Variants in DTNA observed in about 807,000 individuals in gnomAD.
DTNA encodes the protein dystrobrevin alpha.
DTNA carries 43 observed loss-of-function variants against 100.7 expected under a neutral mutation model. The ratio of observed to expected loss-of-function variants is 0.43; its 90% CI spans 0.33 to 0.55. DTNA has a LOEUF of 0.55. Among genes scored for constraint, DTNA ranks in the 20% least tolerant of loss-of-function variants. The probability of loss-of-function intolerance (pLI) is 0.04; values close to 1 mark genes in which losing one functional copy is unlikely to be tolerated. For synonymous variants in DTNA, 349 were observed against 347.9 expected (o/e 1.00, Z -0.04); for missense variants, 798 against 953.9 (o/e 0.84, Z 2.15).
intron 1 of DTNA, among the ~76,000 whole-genome samples, chr18:34,569,489 A>G (rs937762937): frequency 6.6e-6 from 1 of 152,206 alleles, no homozygotes; most frequent in Admixed American, 6.5e-5. Flanking sequence ...GTGAGAAAAA[A>G]AAAGCAAGGG....
intron 4 of DTNA, among the ~76,000 whole-genome samples, chr18:34,801,309 A>T (rs1380160162): frequency 1.3e-5 from 2 of 152,126 alleles, no homozygotes; most frequent in East Asian, 3.9e-4. Flanking sequence ...AGAATTTTTG[A>T]ATGTCGATCT....
At position 34,599,488 on chromosome 18, in the gene DTNA, C is replaced by T. The variant is rs368037187; in HGVS notation, c.-2+105974C>T. ...GAAATTACTTATTCACCCCCTTCAC[C>T]GGACACTGGTACTGAAGGATATCAT... is the stretch of plus-strand genomic sequence containing the variant. On this transcript the variant is annotated intron_variant, in intron 1 of 19. Transcript: ENST00000283365. 1.6e-4 allele frequency among the ~76,000 whole-genome samples: 24 copies of T among 152,198 alleles called. 1 individual carries two copies. Among genetic ancestry groups the T allele is most frequent in the African/African-American group, 5.5e-4 (23 of 41,526 alleles).
rs577168361 is a variant in DTNA at position 34,844,577 on chromosome 18, G to A, written c.1347-3719G>A. Among the ~76,000 whole-genome samples, 11 of 115,270 alleles carry A rather than the reference G, an allele frequency of 9.5e-5. No homozygotes were observed. In the South Asian group the frequency reaches 3.1e-3, roughly 32 times the overall value. 75.6% of individuals were successfully genotyped at this position (115,270 alleles called of 152,430 possible). On this transcript the variant is annotated intron_variant, in intron 13 of 22. Coordinates refer to ENST00000444659, the MANE Select transcript of DTNA (RefSeq NM_001386795.1). The stretch of plus-strand genomic sequence containing the variant: ...GTTAACTAATCCTCTTAATAGAAGA[G>A]TAGTACATGAAACTCGATGGCCTTC...
intron 1 of DTNA, chr18:34,513,367 T>C (rs1489658317): frequency 1.3e-5 from 2 of 152,194 alleles, no homozygotes; most frequent in Non-Finnish European, 2.9e-5. Flanking sequence ...TACCTAGCGA[T>C]AGGCTAAGAG....
At chr18:34,530,846 GTAAAA>G (rs1568599149) in intron 1 of DTNA, among the ~76,000 whole-genome samples, 1 of 152,096 alleles carries the variant, frequency 6.6e-6, no homozygotes, top group Non-Finnish European at 1.5e-5. Flanking sequence ...CTGATAAAGT[GTAAAA>G]CAAAAGTTGT....
intron 3 of DTNA, among the ~76,000 whole-genome samples, chr18:34,783,582 C>T (rs11659661): frequency 0.14 from 21,476 of 152,142 alleles, 1,599 homozygotes; most frequent in African/African-American, 0.17. Context: ...ATAAAAACGC[C>T]TAGTGAGCTA....
At chr18:34,589,012 AAT>A (rs1179420148) in intron 1 of DTNA, among the ~76,000 whole-genome samples, 1 of 150,534 alleles carries the variant, frequency 6.6e-6, no homozygotes, top group Non-Finnish European at 1.5e-5. Context: ...ATACTATACT[AAT>A]TATATGTATA....
chr18:34,516,765 C>T (rs562733572), intron 1 of DTNA, among the ~76,000 whole-genome samples: 54 of 152,204 alleles, frequency 3.5e-4, no homozygotes, highest in African/African-American at 1.2e-3. Context: ...CCCTGAAAAT[C>T]GCAGCCATCC....
rs2096960140 is a variant in DTNA, at chr18:34,890,590, C to T, written c.*2856C>T. 3 of 1,177,200 alleles carry T rather than the reference C, an allele frequency of 2.5e-6. No individual in the cohort carries two copies. Among genetic ancestry groups the T allele is most frequent in the East Asian group, 5.1e-5 (2 of 38,874 alleles). The allele number at this position is 1,177,200 out of a possible 1,614,324, so 72.9% of individuals were successfully genotyped here. ...TAAGCACTGGTCTAACACAGCCAAC[C>T]CTCCTCCACAGCGCCATATTAATGG... On this transcript the variant is annotated 3_prime_UTR_variant, in exon 23 of 23. Coordinates refer to ENST00000444659, the MANE Select transcript of DTNA (RefSeq NM_001386795.1).
At chr18:34,801,429 T>C (rs2095206917) in intron 4 of DTNA, among the ~76,000 whole-genome samples, 1 of 152,166 alleles carries the variant, frequency 6.6e-6, no homozygotes, top group Non-Finnish European at 1.5e-5. Flanking sequence ...GAATAAAGTA[T>C]GTATTATGCG....
At chr18:34,759,318 CTGT>C (rs931520967) in intron 2 of DTNA, among the ~76,000 whole-genome samples, 1 of 152,184 alleles carries the variant, frequency 6.6e-6, no homozygotes, top group Non-Finnish European at 1.5e-5. Flanking sequence ...CTCTCCTTTT[CTGT>C]TGTTTTACTC....
intron 1 of DTNA, among the ~76,000 whole-genome samples, chr18:34,741,151 G>A (rs2090579306): frequency 3.3e-5 from 5 of 152,164 alleles, no homozygotes; most frequent in Admixed American, 3.3e-4. Flanking sequence ...ATAAAAGGAT[G>A]TGATATTTTA....
chr18:34,625,190 C>A (rs1004835190), intron 1 of DTNA, among the ~76,000 whole-genome samples: 4 of 152,126 alleles, frequency 2.6e-5, no homozygotes, highest in African/African-American at 9.7e-5. Flanking sequence ...CCACGTCCGG[C>A]TAATTTTTTT....
chr18:34,532,585 A>T (rs925450738), intron 1 of DTNA, among the ~76,000 whole-genome samples: 3 of 151,640 alleles, frequency 2.0e-5, no homozygotes, highest in Non-Finnish European at 4.4e-5. Context: ...TTGTTCTTAT[A>T]CTCTTGTCCC....
chr18:34,790,567 A>ATATATATATATATATATTTTT (rs2094687460), intron 3 of DTNA, among the ~76,000 whole-genome samples: 2 of 39,654 alleles, frequency 5.0e-5, no homozygotes, highest in African/African-American at 1.8e-4. Context: ...ATATATATAT[A>ATATATATATATATATATTTTT]TTTTTTTTTT....
chr18:34,831,352 C>A (rs1623775), intron 11 of DTNA, among the ~76,000 whole-genome samples: 21,120 of 152,188 alleles, frequency 0.14, 1,682 homozygotes, highest in African/African-American at 0.22. Context: ...TATATAACAT[C>A]TAGCCAGGTC....
chr18:34,503,013 T>C (rs995918069), intron 1 of DTNA, among the ~76,000 whole-genome samples: 5 of 152,212 alleles, frequency 3.3e-5, no homozygotes, highest in African/African-American at 1.2e-4. Flanking sequence ...CCACTTTGGC[T>C]TTACATATTT....
At chr18:34,760,146 C>CCA (rs2093045319) in intron 2 of DTNA, 1 of 152,174 alleles carries the variant, frequency 6.6e-6, no homozygotes, top group African/African-American at 2.4e-5. Flanking sequence ...AATGACCCCA[C>CCA]CACCGTAGGT....
At chr18:34,661,606 G>A (rs951452423) in intron 1 of DTNA, among the ~76,000 whole-genome samples, 2 of 152,136 alleles carry the variant, frequency 1.3e-5, no homozygotes, top group Non-Finnish European at 2.9e-5. Flanking sequence ...GACAAAGGAT[G>A]AGTTTCGCAT....
Sources: gnomAD v4.1 joint callset for allele counts (sites outside exome capture counted in the v4.1 genomes callset) on GRCh38, gnomAD v4.1.1 for gene constraint, MANE v1.5 for transcripts, NCBI Gene and HGNC (gene_info 2026-07-23, HGNC 2026-07-21) for gene names.